LYRM4: variants seen among roughly 807,000 people sequenced by gnomAD.
The protein encoded by LYRM4 is LYR motif containing 4.
A neutral mutation model predicts 11.7 loss-of-function variants in LYRM4; 9 were observed. That is an observed-to-expected ratio of 0.77 (90% CI 0.46 to 1.34). The LOEUF is 1.34. Ranked by LOEUF, LYRM4 falls within the 40% of genes most tolerant of loss-of-function variation. The pLI is 0.00. For synonymous variants in LYRM4, 42 were observed against 40.4 expected, an observed-to-expected ratio of 1.04 and a Z score of -0.15; for missense variants, 133 against 112.5, an observed-to-expected ratio of 1.18 and a Z score of -0.82.
chr6:5,078,317 G>C, the LYRM4 span, among the ~76,000 whole-genome samples: 1 of 151,792 alleles, frequency 6.6e-6, no homozygotes, highest in Non-Finnish European at 1.5e-5. Flanking sequence ...GGCTCAGACA[G>C]TGGACTGTGC....
intron 1 of LYRM4, among the ~76,000 whole-genome samples, chr6:5,241,729 G>A (rs1243199814): frequency 6.6e-6 from 1 of 152,182 alleles, no homozygotes; most frequent in African/African-American, 2.4e-5. Context: ...CACGGTGGAA[G>A]CTCAGTAAAC....
In LYRM4 at chr6:5,211,038, A is replaced by G. The variant is rs570012371; in HGVS notation, c.207+5580T>C. Among the ~76,000 whole-genome samples, 6 of 152,318 alleles carry G rather than the reference A, an allele frequency of 3.9e-5. No individual in the cohort carries two copies. The South Asian group carries it at 1.2e-3, about 32-fold the overall frequency. ...TTTATTCCACTAAAACAAGAGGCAT[A>G]TTAATTTTATAAATTCTCTCAAACT... On this transcript the variant is annotated intron_variant, in intron 2 of 2. Transcript: ENST00000330636.
At chr6:5,216,859 A>ACTTTGAT in intron 1 of LYRM4, 121 bp from the exon 2 acceptor site, 1 of 1,206,116 alleles carries the variant, frequency 8.3e-7, no homozygotes, top group South Asian at 1.6e-5. Flanking sequence ...CGGATAATCC[A>ACTTTGAT]CTTTGATCTT....
the LYRM4 span, chr6:5,085,571 C>A: frequency 6.5e-7 from 1 of 1,543,652 alleles, no homozygotes; most frequent in Non-Finnish European, 8.7e-7. Flanking sequence ...GAGCTGCCCG[C>A]CCCGGTGGTC....
rs938279741 is a variant in LYRM4 at position 5,152,437 on chromosome 6, C to T, written c.208-42946G>A. On this transcript the variant is annotated intron_variant, in intron 2 of 2. Coordinates refer to ENST00000330636, the MANE Select transcript of LYRM4 (RefSeq NM_020408.6). ...ATGACGTACTAGATTAAATAGGGGG[C>T]GAGAGCTGGCTTTTAATAATCTGCC... Among the ~76,000 whole-genome samples the T allele has an allele frequency of 4.6e-5, 7 of 152,206 alleles. No individual in the cohort carries two copies. The East Asian group carries it at 7.7e-4, about 17-fold the overall frequency.
downstream of LYRM4, among the ~76,000 whole-genome samples, chr6:5,100,736 T>C (rs1415779280): frequency 6.6e-6 from 1 of 152,186 alleles, no homozygotes; most frequent in Non-Finnish European, 1.5e-5. Context: ...GAGTGAGGTG[T>C]GGGCCTGTGG....
At chr6:5,036,663 G>A in the LYRM4 span, among the ~76,000 whole-genome samples, 1 of 152,174 alleles carries the variant, frequency 6.6e-6, no homozygotes, top group African/African-American at 2.4e-5. Flanking sequence ...GAAAGCATCC[G>A]ATTGCTTCAG....
intron 2 of LYRM4, among the ~76,000 whole-genome samples, chr6:5,126,443 A>C (rs73717669): frequency 0.031 from 4,649 of 152,326 alleles, 80 homozygotes; most frequent in African/African-American, 0.054. Context: ...AATGCATGAA[A>C]AAGCAACTGA....
intron 2 of LYRM4, chr6:5,186,692 TA>T: frequency 3.0e-6 from 3 of 985,762 alleles, no homozygotes; most frequent in Non-Finnish European, 3.6e-6. Flanking sequence ...ACATAAAAAT[TA>T]TAATTGTCTG....
rs374383468 is a variant in LYRM4, at chr6:5,199,091, C to T, written c.207+17527G>A. Among the ~76,000 whole-genome samples, 327 of 152,250 alleles carry T rather than the reference C, an allele frequency of 2.1e-3. 2 individuals are homozygous for T. Among genetic ancestry groups the T allele is most frequent in the African/African-American group, 6.9e-3 (286 of 41,538 alleles). On this transcript the variant is annotated intron_variant, in intron 2 of 2. Coordinates refer to ENST00000330636, the MANE Select transcript of LYRM4 (RefSeq NM_020408.6). Reference sequence around the variant, plus strand: ...AGAGGAATGAAAACATATGGCCACACAAAAACTGGCATATGAATGTTCATA... The same window carrying T: ...AGAGGAATGAAAACATATGGCCACATAAAAACTGGCATATGAATGTTCATA...
chr6:5,256,901 C>T (rs1158958396), intron 1 of LYRM4, among the ~76,000 whole-genome samples: 1 of 152,190 alleles, frequency 6.6e-6, no homozygotes, highest in African/African-American at 2.4e-5. Context: ...ATTCTAGACT[C>T]TGCTTGGATT....
At chr6:5,189,669 T>C (rs1433960810) in intron 2 of LYRM4, among the ~76,000 whole-genome samples, 1 of 152,224 alleles carries the variant, frequency 6.6e-6, no homozygotes, top group African/African-American at 2.4e-5. Flanking sequence ...TCGATGAGCA[T>C]GACTTTAAGA....
chr6:5,157,918 A>T (rs373694502), intron 2 of LYRM4, among the ~76,000 whole-genome samples: 12 of 152,250 alleles, frequency 7.9e-5, no homozygotes, highest in African/African-American at 1.2e-4. Flanking sequence ...CCGCCTCTGC[A>T]CTGTCGGCAG....
chr6:5,115,093 T>C (rs369363626), intron 2 of LYRM4, among the ~76,000 whole-genome samples: 5 of 152,230 alleles, frequency 3.3e-5, no homozygotes, highest in African/African-American at 9.6e-5. Context: ...TGTAAAGATA[T>C]ATCACAATCT....
intron 1 of LYRM4, among the ~76,000 whole-genome samples, chr6:5,254,173 C>T (rs1252021731): frequency 6.6e-6 from 1 of 152,234 alleles, no homozygotes; most frequent in Non-Finnish European, 1.5e-5. Context: ...AACGGCCCAA[C>T]TGTCTCCATA....
At chr6:5,230,405 CAA>C (rs1354862229) in intron 1 of LYRM4, among the ~76,000 whole-genome samples, 1 of 152,168 alleles carries the variant, frequency 6.6e-6, no homozygotes, top group African/African-American at 2.4e-5. Flanking sequence ...ATGTATATGG[CAA>C]AGATTTTCTG....
chr6:5,052,725 A>C, the LYRM4 span, among the ~76,000 whole-genome samples: 1 of 152,236 alleles, frequency 6.6e-6, no homozygotes, highest in Non-Finnish European at 1.5e-5. Flanking sequence ...TGGTTATATA[A>C]TAGTTAATTT....
chr6:5,042,173 C>G, the LYRM4 span, among the ~76,000 whole-genome samples: 1 of 152,192 alleles, frequency 6.6e-6, no homozygotes, highest in Admixed American at 6.5e-5. Context: ...GCTGTTTAAA[C>G]AGGAACTATT....
chr6:5,132,620 G>A (rs1165308110), intron 2 of LYRM4: 1 of 152,210 alleles, frequency 6.6e-6, no homozygotes, highest in East Asian at 1.9e-4. Flanking sequence ...CTCAGCTACA[G>A]TTGTTTTCAG....
Sources: allele counts gnomAD v4.1 joint callset (sites outside exome capture counted in the v4.1 genomes callset), GRCh38; gene constraint gnomAD v4.1.1; transcripts MANE v1.5; gene names NCBI Gene and HGNC (gene_info 2026-07-23, HGNC 2026-07-21).